The following FRMD4A variants were observed in gnomAD, a reference collection of about 807,000 sequenced individuals.
FRMD4A encodes FERM domain-containing protein 4A.
Under a neutral mutation model 129.1 loss-of-function variants are expected in FRMD4A, and 29 were observed. That is an observed-to-expected ratio of 0.22 (90% CI 0.17 to 0.31). The LOEUF is 0.31. FRMD4A is among the 10% of genes least tolerant of loss of function. FRMD4A has a pLI of 1.00. For missense variants in FRMD4A, 1,272 were observed against 1,375.8 expected (o/e 0.92, Z 1.19); for synonymous variants, 634 against 571.6 (o/e 1.11, Z -1.56).
chr10:14,019,524 T>C (rs1588790591), intron 2 of FRMD4A, among the ~76,000 whole-genome samples: 2 of 152,216 alleles, frequency 1.3e-5, no homozygotes, highest in African/African-American at 4.8e-5. Context: ...GAGACACATG[T>C]GTTTATAGGG....
intron 2 of FRMD4A, among the ~76,000 whole-genome samples, chr10:14,301,353 C>T (rs917781271): frequency 1.3e-5 from 2 of 152,170 alleles, no homozygotes; most frequent in African/African-American, 2.4e-5. Flanking sequence ...GTTTTGAGAA[C>T]CCCTCAAACT....
chr10:14,266,785 C>T (rs992819014), intron 2 of FRMD4A, among the ~76,000 whole-genome samples: 1 of 152,068 alleles, frequency 6.6e-6, no homozygotes, highest in South Asian at 2.1e-4. Flanking sequence ...GTTAATTATA[C>T]TATTATAAAT....
At chr10:14,142,213 C>T (rs1323907186) in intron 2 of FRMD4A, among the ~76,000 whole-genome samples, 2 of 151,846 alleles carry the variant, frequency 1.3e-5, no homozygotes, top group African/African-American at 4.8e-5. Flanking sequence ...TCTGAATATG[C>T]TTCTTCTCTG....
chr10:13,746,574 G>A (rs1427725505), intron 9 of FRMD4A, among the ~76,000 whole-genome samples: 1 of 152,138 alleles, frequency 6.6e-6, no homozygotes, highest in Admixed American at 6.5e-5. Flanking sequence ...CTAGGTCACT[G>A]TCTGGATAAG....
At chr10:14,243,647 T>C (rs969436791) in intron 2 of FRMD4A, among the ~76,000 whole-genome samples, 1 of 151,982 alleles carries the variant, frequency 6.6e-6, no homozygotes, top group Non-Finnish European at 1.5e-5. Flanking sequence ...TGCTAGGGAC[T>C]AGGGGAGGGG....
chr10:13,994,283 A>G (rs34446735), intron 2 of FRMD4A, among the ~76,000 whole-genome samples: 43,142 of 147,614 alleles, frequency 0.29, 7,340 homozygotes, highest in East Asian at 0.73. Context: ...GGGTTCAAGC[A>G]ATTCCCCTGC....
chr10:14,035,681 G>A (rs981497389), intron 2 of FRMD4A, among the ~76,000 whole-genome samples: 23 of 152,066 alleles, frequency 1.5e-4, no homozygotes, highest in Non-Finnish European at 2.8e-4. Flanking sequence ...AGCACAAGAG[G>A]ATCCCAGCCT....
Position 13,660,340 on chromosome 10 carries a change from T to A in FRMD4A, c.1874A>T (p.Lys625Met). Reference protein sequence around the residue: ...SLDEPYEKVKKRSSHSHSSSH... With the variant: ...SLDEPYEKVKMRSSHSHSSSH... ...CCTGGAATGGCTGTGAGAGGAGCGC[T>A]TCTTGACCTTCTCATAGGGTTCATC... is the stretch of plus-strand genomic sequence containing the variant. Residue 625 changes from lysine (K) to methionine (M), a missense_variant, in exon 20 of 25, where the codon AAG (lysine) becomes ATG (methionine). By Grantham distance (95) the Lys-to-Met change is moderately conservative. Around this residue, in one of 2 missense-constraint regions of FRMD4A, gnomAD observed 972 missense variants for 892.3 expected, o/e 1.09. Transcript: ENST00000357447. The A allele has an allele frequency of 6.2e-7, 1 of 1,613,386 alleles. No homozygotes were observed. Among genetic ancestry groups the A allele is most frequent in the Non-Finnish European group, 8.5e-7 (1 of 1,179,288 alleles).
chr10:13,828,332 A>T (rs1182182031), intron 3 of FRMD4A, among the ~76,000 whole-genome samples: 1 of 152,100 alleles, frequency 6.6e-6, no homozygotes, highest in African/African-American at 2.4e-5. Flanking sequence ...CTTTCATGTC[A>T]CCAATGTCTA....
intron 2 of FRMD4A, among the ~76,000 whole-genome samples, chr10:14,138,345 A>T (rs1839651979): frequency 1.3e-5 from 2 of 152,228 alleles, no homozygotes; most frequent in Admixed American, 6.5e-5. Context: ...CTCTTCCTAC[A>T]AAAAGATAAT....
intron 2 of FRMD4A, among the ~76,000 whole-genome samples, chr10:14,124,603 G>C (rs921886858): frequency 6.6e-6 from 1 of 152,168 alleles, no homozygotes; most frequent in Non-Finnish European, 1.5e-5. Flanking sequence ...GTGAACCCAG[G>C]AGGCGGAGGT....
At chr10:13,664,393 G>A (rs2082855724) in intron 18 of FRMD4A, among the ~76,000 whole-genome samples, 1 of 152,162 alleles carries the variant, frequency 6.6e-6, no homozygotes. Flanking sequence ...AGCTTTACTA[G>A]GAGGTAGGGG....
At chr10:13,834,009 G>T (rs887476986) in intron 3 of FRMD4A, among the ~76,000 whole-genome samples, 4 of 152,232 alleles carry the variant, frequency 2.6e-5, no homozygotes, top group Non-Finnish European at 5.9e-5. Flanking sequence ...TGTAATCCCA[G>T]GACTTTGGGA....
chr10:14,171,361 TA>T (rs1246657535), intron 2 of FRMD4A, among the ~76,000 whole-genome samples: 1 of 152,120 alleles, frequency 6.6e-6, no homozygotes, highest in African/African-American at 2.4e-5. Context: ...GCATTATATA[TA>T]AAAGGAAGAA....
rs1400824488 is a variant in FRMD4A, at chr10:14,127,982, C to CTTTCTTTCTTTCTTTCTT, written c.45+202075_45+202076insAAGAAAGAAAGAAAGAAA. ...TCTTTCTTTCTTTCTTTCTTTCCTT[C>CTTTCTTTCTTTCTTTCTT]TCTCTCTCTCTCTCTCTCTTTCTTT... is the stretch of plus-strand genomic sequence containing the variant. On this transcript the variant is annotated intron_variant, in intron 2 of 24. Transcript: ENST00000357447. 1.8e-3 allele frequency among the ~76,000 whole-genome samples: 145 copies of CTTTCTTTCTTTCTTTCTT among 81,260 alleles called. 10 individuals carry two copies. The highest frequency in any genetic ancestry group is 0.01 in the African/African-American group (137 of 13,490). 53.3% of individuals were successfully genotyped at this position (81,260 alleles called of 152,430 possible).
At chr10:13,702,521 T>C (rs2086928579) in intron 13 of FRMD4A, among the ~76,000 whole-genome samples, 1 of 146,284 alleles carries the variant, frequency 6.8e-6, no homozygotes. Context: ...GCAAATGAAA[T>C]CTAAGAATGT....
chr10:13,769,658 T>C (rs1285688789), intron 6 of FRMD4A, among the ~76,000 whole-genome samples: 1 of 152,164 alleles, frequency 6.6e-6, no homozygotes, highest in Non-Finnish European at 1.5e-5. Context: ...CGAGGGTGTT[T>C]CTGGATGAGA....
intron 2 of FRMD4A, among the ~76,000 whole-genome samples, chr10:13,919,614 T>TA (rs2095048137): frequency 6.6e-6 from 1 of 152,202 alleles, no homozygotes; most frequent in African/African-American, 2.4e-5. Context: ...AGTGGAGGAA[T>TA]ACTTATTTCA....
chr10:13,987,993 G>C (rs72774700), intron 2 of FRMD4A, among the ~76,000 whole-genome samples: 1,525 of 152,040 alleles, frequency 0.01, 16 homozygotes, highest in Middle Eastern at 0.014. Flanking sequence ...TTTAAAAGAG[G>C]GGACTCTCAA....
Sources: allele counts gnomAD v4.1 joint callset (sites outside exome capture counted in the v4.1 genomes callset), GRCh38; gene constraint gnomAD v4.1.1; regional missense constraint gnomAD v4.1.1; transcripts MANE v1.5; gene names NCBI Gene and HGNC (gene_info 2026-07-23, HGNC 2026-07-21).